THAP1: variants seen among roughly 807,000 people sequenced by gnomAD.
THAP1 encodes THAP domain-containing protein 1.
THAP1 carries 6 observed loss-of-function variants against 18.2 expected under a neutral mutation model. The observed-to-expected ratio is 0.33, with a 90% CI of 0.18 to 0.65. The LOEUF (loss-of-function observed/expected upper bound fraction) is 0.65, where lower values mean the gene tolerates loss of function less well. Among genes scored for constraint, THAP1 ranks in the 30% least tolerant of loss-of-function variants. The probability of loss-of-function intolerance (pLI) is 0.74; values close to 1 mark genes in which losing one functional copy is unlikely to be tolerated. For synonymous variants in THAP1, 85 were observed against 90.5 expected (o/e 0.94, Z 0.34); for missense variants, 176 against 253.0 (o/e 0.70, Z 2.06).
At position 42,839,857 on chromosome 8, in the gene THAP1, C is replaced by T. The variant is rs184900161; in HGVS notation, c.72-476G>A. ...ACTGTGCCTGGCCCTCATTCATTAA[C>T]GTTTAACTTTTTATACTGAGTTCAC... On this transcript the variant is annotated intron_variant, in intron 1 of 2. Transcript: ENST00000254250. Among the ~76,000 whole-genome samples, 9 of 152,252 alleles carry T rather than the reference C, an allele frequency of 5.9e-5. No individual in the cohort carries two copies. In the East Asian group the frequency reaches 7.7e-4, roughly 13 times the overall value.
At chr8:42,842,973 G>C in intron 1 of THAP1, 51 bp downstream of exon 1, 1 of 1,413,520 alleles carries the variant, frequency 7.1e-7, no homozygotes, top group South Asian at 1.5e-5. Context: ...CGCCGGCCGC[G>C]CGCCCCCACC....
intron 1 of THAP1, among the ~76,000 whole-genome samples, chr8:42,841,340 T>C (rs1802714149): frequency 6.8e-6 from 1 of 147,646 alleles, no homozygotes; most frequent in South Asian, 2.2e-4. Context: ...CTCACTCTGT[T>C]ACCCAAGCTG....
intron 1 of THAP1, 40 bp from the exon 2 acceptor site, chr8:42,839,421 TTAAA>T (rs764799510): frequency 5.6e-6 from 9 of 1,610,766 alleles, no homozygotes; most frequent in African/African-American, 4.0e-5. Flanking sequence ...TCCTGATTTT[TTAAA>T]TAAATAAAGG....
chr8:42,841,241 CCTT>C (rs1469790569), intron 1 of THAP1, among the ~76,000 whole-genome samples: 2 of 151,242 alleles, frequency 1.3e-5, no homozygotes, highest in African/African-American at 4.9e-5. Flanking sequence ...GCAGGTTAGC[CCTT>C]CTTTTGATTC....
Position 42,837,737 on chromosome 8 carries a change from G to GT in THAP1, c.*224dup, listed in dbSNP as rs1563644165. ...AACCAACTTACATTAGAGGTCTGAG[G>GT]TTAGTTTATAACTTTTAAAATATTT... On this transcript the variant is annotated 3_prime_UTR_variant, in exon 3 of 3. Transcript: ENST00000254250. 3.0e-6 allele frequency: 1 copy of GT among 331,362 alleles called. No individual in the cohort carries two copies. The highest frequency in any genetic ancestry group is 2.2e-5 in the African/African-American group (1 of 46,414). 20.5% of individuals were successfully genotyped at this position (331,362 alleles called of 1,614,324 possible).
intron 1 of THAP1, among the ~76,000 whole-genome samples, chr8:42,842,232 A>G (rs1382239094): frequency 4.6e-5 from 7 of 152,254 alleles, no homozygotes; most frequent in Non-Finnish European, 8.8e-5. Context: ...AGCGTTTATC[A>G]TAAGTAATTA....
rs1156786774 is a variant in THAP1 at position 42,837,013 on chromosome 8, A to C, written c.*949T>G. The stretch of plus-strand genomic sequence containing the variant: ...TTCTAACTTGTGTTAAAAGTGAAGA[A>C]ATAATTTTTTATGTGAAGCCTTGTC... On this transcript the variant is annotated 3_prime_UTR_variant, in exon 3 of 3. Transcript: ENST00000254250. 1 of 152,238 alleles carries C rather than the reference A, an allele frequency of 6.6e-6. No homozygotes were observed. Among genetic ancestry groups the C allele is most frequent in the Non-Finnish European group, 1.5e-5 (1 of 68,046 alleles). 9.4% of individuals were successfully genotyped at this position (152,238 alleles called of 1,614,324 possible). A position where few individuals can be genotyped will look rare whatever the true frequency, so the allele number is the denominator to read the frequency against.
In THAP1 at chr8:42,839,361, C is replaced by G. The variant is rs2128918640; in HGVS notation, c.92G>C (p.Ser31Thr). ...AGCTGCCTCCCATTCTTTACAAAGA[C>G]TGGGTCGAGTAAGAGGAAACCTAAG... Reference protein sequence around the residue: ...SFHKFPLTRPSLCKEWEAAVR... With the variant: ...SFHKFPLTRPTLCKEWEAAVR... Residue 31 changes from serine to threonine, a missense_variant, in exon 2 of 3, where the codon AGT becomes ACT. Transcript: ENST00000254250. The G allele has an allele frequency of 1.2e-6, 2 of 1,613,956 alleles. No homozygotes were observed. The highest frequency in any genetic ancestry group is 2.2e-5 in the South Asian group (2 of 91,076).
At chr8:42,840,761 T>C (rs2128918848) in intron 1 of THAP1, among the ~76,000 whole-genome samples, 1 of 152,092 alleles carries the variant, frequency 6.6e-6, no homozygotes, top group East Asian at 1.9e-4. Context: ...GAGGTCGAAG[T>C]ATGGAGACCA....
At position 42,836,994 on chromosome 8, in the gene THAP1, CTT is replaced by C. The variant is rs1185385873; in HGVS notation, c.*966_*967del. 6.6e-6 allele frequency: 1 copy of C among 152,174 alleles called. No individual in the cohort carries two copies. The highest frequency in any genetic ancestry group is 1.5e-5 in the Non-Finnish European group (1 of 68,030). The allele number at this position is 152,174 out of a possible 1,614,324, so 9.4% of individuals were successfully genotyped here. ...TAACTAAATGGGATATAATTTCTAA[CTT>C]GTGTTAAAAGTGAAGAAATAATTTT... On this transcript the variant is annotated 3_prime_UTR_variant, in exon 3 of 3. Transcript: ENST00000254250.
At chr8:42,840,965 C>CAAAAAAAAAAAA (rs1029278824) in intron 1 of THAP1, among the ~76,000 whole-genome samples, 1 of 47,060 alleles carries the variant, frequency 2.1e-5, no homozygotes. Context: ...GACTCCATCT[C>CAAAAAAAAAAAA]AAAAAAAAAA....
At chr8:42,841,294 CTTTTTTT>C (rs775435611) in intron 1 of THAP1, among the ~76,000 whole-genome samples, 41 of 95,960 alleles carry the variant, frequency 4.3e-4, no homozygotes, top group Non-Finnish European at 5.2e-4. Context: ...ACAGTTGTAT[CTTTTTTT>C]TTTTTTTTTT....
At chr8:42,839,892 C>A (rs1324253602) in intron 1 of THAP1, among the ~76,000 whole-genome samples, 3 of 152,164 alleles carry the variant, frequency 2.0e-5, no homozygotes, top group African/African-American at 7.2e-5. Flanking sequence ...CCAAAAGATT[C>A]AGGTAAAATA....
At position 42,843,010 on chromosome 8, in the gene THAP1, C is replaced by G; in HGVS notation, c.71+14G>C. 1 of 1,609,328 alleles carries G rather than the reference C, an allele frequency of 6.2e-7. No homozygotes were observed. Among genetic ancestry groups the G allele is most frequent in the Non-Finnish European group, 8.5e-7 (1 of 1,177,480 alleles). On this transcript the variant is annotated intron_variant, in intron 1 of 2. Transcript: ENST00000254250. ...CGGCTGAGACCGGCCCCGCGAGGCG[C>G]GCAGGGTCCTCACTTGTGGAAAGAA...
rs942954933 is a variant in THAP1, at chr8:42,836,726, C to T, written c.*1236G>A. ...TCTTAAAGGTTCTATTGCTCTTCAA[C>T]GATCTTAGTGTACTTTGAAATATAA... On this transcript the variant is annotated 3_prime_UTR_variant, in exon 3 of 3. Transcript: ENST00000254250. 2 of 152,584 alleles carry T rather than the reference C, an allele frequency of 1.3e-5. No homozygotes were observed. The highest frequency in any genetic ancestry group is 2.4e-5 in the African/African-American group (1 of 41,436). 9.5% of individuals were successfully genotyped at this position (152,584 alleles called of 1,614,324 possible). A position where few individuals can be genotyped will look rare whatever the true frequency, so the allele number is the denominator to read the frequency against.
intron 1 of THAP1, 42 bp downstream of exon 1, chr8:42,842,982 C>T (rs748129133): frequency 2.4e-5 from 37 of 1,560,790 alleles, no homozygotes; most frequent in South Asian, 1.9e-4. Context: ...CGCGCCCCCA[C>T]CCCGGCTGAG....
In THAP1 at chr8:42,837,938, G is replaced by C. The variant is rs1469165983; in HGVS notation, c.*24C>G. Reference sequence around the variant, plus strand: ...GAGGATATGTGGTATTGCCCCATTAGAAATCAATACACATTTCATTTTTTT... The same window carrying C: ...GAGGATATGTGGTATTGCCCCATTACAAATCAATACACATTTCATTTTTTT... On this transcript the variant is annotated 3_prime_UTR_variant, in exon 3 of 3. Coordinates refer to ENST00000254250, the MANE Select transcript of THAP1 (RefSeq NM_018105.3). The C allele has an allele frequency of 1.9e-6, 3 of 1,608,602 alleles. No individual in the cohort carries two copies. Among genetic ancestry groups the C allele is most frequent in the Admixed American group, 1.7e-5 (1 of 59,958 alleles).
In THAP1 at chr8:42,838,286, C is replaced by A; in HGVS notation, c.318G>T (p.Pro106=). Residue 106 remains proline (P), a synonymous_variant, in exon 3 of 3, where the codon CCG becomes CCT. Coordinates refer to ENST00000254250, the MANE Select transcript of THAP1 (RefSeq NM_018105.3). ...PQEQLPPPPL[P]PPVSQVDAAI... is the part of the protein sequence containing the mutation. ...CAGCATCAACCTGGGAAACAGGAGG[C>A]GGTAAAGGAGGTGGGGGAAGCTGTT... 1 of 1,613,948 alleles carries A rather than the reference C, an allele frequency of 6.2e-7. No individual in the cohort carries two copies.
chr8:42,839,054 T>C (rs1563644721), intron 2 of THAP1, 132 bp downstream of exon 2: 2 of 921,654 alleles, frequency 2.2e-6, no homozygotes, highest in Non-Finnish European at 3.4e-6. Flanking sequence ...TTTTCAGAAG[T>C]GTATCACTGT....
Sources: gnomAD v4.1 joint callset for allele counts (sites outside exome capture counted in the v4.1 genomes callset) on GRCh38, gnomAD v4.1.1 for gene constraint, MANE v1.5 for transcripts, NCBI Gene and HGNC (gene_info 2026-07-23, HGNC 2026-07-21) for gene names.